Variants in PLPP1 observed in about 807,000 individuals in gnomAD.
PLPP1 encodes the protein lipid phosphate phosphohydrolase 1a.
A neutral mutation model predicts 31.2 loss-of-function variants in PLPP1; 24 were observed. The observed-to-expected ratio is 0.77, with a 90% CI of 0.56 to 1.08. PLPP1 has a LOEUF of 1.08. PLPP1 is among the 50% of genes least tolerant of loss of function. The pLI, the probability that PLPP1 is intolerant of heterozygous loss-of-function variation, is 0.00. For missense variants in PLPP1, 319 were observed against 342.7 expected (o/e 0.93, Z 0.55); for synonymous variants, 146 against 126.3 (o/e 1.16, Z -1.05).
In PLPP1 at chr5:55,475,388, T is replaced by G. The variant is rs1561237756; in HGVS notation, c.121A>C (p.Asn41His). The change falls in exon 2 of 6, where the codon AAT becomes CAT. Residue 41 changes from asparagine (N) to histidine (H), a missense_variant. Coordinates refer to ENST00000307259, the MANE Select transcript of PLPP1 (RefSeq NM_003711.4). ...HTPFQRGVFC[N>H]DESIKYPYKE... ...TAAGGGTACTTGATGGACTCATCATTACAGAATACTCCTCGTTGGAAGGGG... is the reference window on the plus strand; with the variant it reads ...TAAGGGTACTTGATGGACTCATCATGACAGAATACTCCTCGTTGGAAGGGG... The G allele has an allele frequency of 6.2e-7, 1 of 1,612,874 alleles. No homozygotes were observed.
chr5:55,534,454 G>T, intron 1 of PLPP1, 118 bp downstream of exon 1: 1 of 1,090,580 alleles, frequency 9.2e-7, no homozygotes, highest in Non-Finnish European at 1.2e-6. Flanking sequence ...GCCCCCGTGT[G>T]TCGCCCCACA....
intron 3 of PLPP1, among the ~76,000 whole-genome samples, chr5:55,442,871 G>A (rs1751656741): frequency 1.3e-5 from 2 of 152,000 alleles, no homozygotes; most frequent in African/African-American, 4.8e-5. Context: ...TGCTTATACA[G>A]AATGAGCCAC....
At chr5:55,482,024 T>C (rs1316430537) in intron 1 of PLPP1, among the ~76,000 whole-genome samples, 1 of 148,064 alleles carries the variant, frequency 6.8e-6, no homozygotes, top group Non-Finnish European at 1.5e-5. Context: ...ATAAGATCTA[T>C]AAATATATAT....
intron 1 of PLPP1, among the ~76,000 whole-genome samples, chr5:55,513,268 C>CTTTTTTTTTTTT (rs71600887): frequency 0.079 from 9,307 of 117,092 alleles, 674 homozygotes; most frequent in African/African-American, 0.14. Flanking sequence ...ATAATGACTC[C>CTTTTTTTTTTTT]TTTTTTTTTA....
chr5:55,521,183 T>A (rs1167608134), intron 1 of PLPP1, among the ~76,000 whole-genome samples: 1 of 151,884 alleles, frequency 6.6e-6, no homozygotes, highest in Non-Finnish European at 1.5e-5. Context: ...TGAAACTCTG[T>A]CTCTACTAAA....
At chr5:55,440,179 G>A (rs149144450) in intron 4 of PLPP1, among the ~76,000 whole-genome samples, 2 of 152,266 alleles carry the variant, frequency 1.3e-5, no homozygotes, top group Non-Finnish European at 1.5e-5. Flanking sequence ...AGAGGGACTT[G>A]GACACTAACA....
At chr5:55,532,375 C>T in intron 1 of PLPP1, among the ~76,000 whole-genome samples, 1 of 151,984 alleles carries the variant, frequency 6.6e-6, no homozygotes, top group Non-Finnish European at 1.5e-5. Flanking sequence ...GATCGAACTC[C>T]CACAGTAGGA....
At chr5:55,473,277 A>C (rs1453891931) in intron 2 of PLPP1, among the ~76,000 whole-genome samples, 3 of 152,170 alleles carry the variant, frequency 2.0e-5, no homozygotes, top group Non-Finnish European at 4.4e-5. Context: ...ACTTTGGGAG[A>C]GTCACCAACA....
At chr5:55,518,254 T>C (rs955437186) in intron 1 of PLPP1, among the ~76,000 whole-genome samples, 4 of 152,330 alleles carry the variant, frequency 2.6e-5, no homozygotes, top group Admixed American at 2.6e-4. Flanking sequence ...TGCTTAAGTA[T>C]GTAGATTATC....
At position 55,506,747 on chromosome 5, in the gene PLPP1, A is replaced by G. The variant is rs369346048; in HGVS notation, c.58+27825T>C. ...CATGTTTGTACATTTTTCTACATGT[A>G]TATTTGGATCTGACAAGTTAAGTCT... On this transcript the variant is annotated intron_variant, in intron 1 of 5. Coordinates refer to ENST00000307259, the MANE Select transcript of PLPP1 (RefSeq NM_003711.4). Among the ~76,000 whole-genome samples the G allele has an allele frequency of 7.2e-5, 11 of 152,274 alleles. No homozygotes were observed. The East Asian group carries it at 1.9e-3, about 27-fold the overall frequency.
At chr5:55,495,806 T>C (rs953754088) in intron 1 of PLPP1, among the ~76,000 whole-genome samples, 6 of 151,874 alleles carry the variant, frequency 4.0e-5, no homozygotes, top group African/African-American at 9.7e-5. Flanking sequence ...CAAAAAGCAA[T>C]GGAATAGTCT....
intron 1 of PLPP1, among the ~76,000 whole-genome samples, chr5:55,508,365 T>C (rs998866447): frequency 2.0e-5 from 3 of 152,250 alleles, no homozygotes; most frequent in Admixed American, 6.5e-5. Context: ...TGGCACCATA[T>C]TGAATATTTA....
intron 3 of PLPP1, among the ~76,000 whole-genome samples, chr5:55,454,803 T>C (rs1751969788): frequency 6.6e-6 from 1 of 152,216 alleles, no homozygotes; most frequent in Non-Finnish European, 1.5e-5. Context: ...GACATACATA[T>C]GCATGAGAAA....
chr5:55,489,234 T>C (rs1177959555), intron 1 of PLPP1, among the ~76,000 whole-genome samples: 1 of 152,138 alleles, frequency 6.6e-6, no homozygotes, highest in Non-Finnish European at 1.5e-5. Context: ...AATTAATTTA[T>C]TCACTCTCAA....
chr5:55,496,656 T>C (rs1185843584), intron 1 of PLPP1, among the ~76,000 whole-genome samples: 1 of 152,262 alleles, frequency 6.6e-6, no homozygotes, highest in Non-Finnish European at 1.5e-5. Context: ...ATCAGGGCCA[T>C]GGGTGACAGT....
chr5:55,503,613 TA>T (rs112050563), intron 1 of PLPP1, among the ~76,000 whole-genome samples: 10,244 of 148,118 alleles, frequency 0.069, 668 homozygotes, highest in African/African-American at 0.15. Flanking sequence ...CCATCTCTGC[TA>T]AAAAAAAATA....
chr5:55,494,356 G>A (rs991261011), intron 1 of PLPP1, among the ~76,000 whole-genome samples: 1 of 152,190 alleles, frequency 6.6e-6, no homozygotes, highest in Non-Finnish European at 1.5e-5. Context: ...CAAATGCTGA[G>A]GCAGACCTGA....
At chr5:55,487,664 T>C (rs545447330) in intron 1 of PLPP1, among the ~76,000 whole-genome samples, 54 of 152,250 alleles carry the variant, frequency 3.5e-4, no homozygotes, top group Non-Finnish European at 5.9e-4. Context: ...ATGTTAAGCA[T>C]AAATAATTCA....
intron 5 of PLPP1, 152 bp downstream of exon 5, chr5:55,425,711 T>C (rs1751166829): frequency 1.6e-6 from 1 of 642,378 alleles, no homozygotes; most frequent in African/African-American, 1.9e-5. Flanking sequence ...TTTAACCTGG[T>C]GTGTATCCTG....
Sources: gnomAD v4.1 joint callset for allele counts (sites outside exome capture counted in the v4.1 genomes callset) on GRCh38, gnomAD v4.1.1 for gene constraint, MANE v1.5 for transcripts, NCBI Gene and HGNC (gene_info 2026-07-23, HGNC 2026-07-21) for gene names.